ACTG2: variants seen among roughly 807,000 people sequenced by gnomAD.
The protein encoded by ACTG2 is actin, gamma-enteric smooth muscle.
A neutral mutation model predicts 37.6 loss-of-function variants in ACTG2; 16 were observed. That is an observed-to-expected ratio of 0.43 (90% confidence interval 0.29 to 0.65). ACTG2 has a LOEUF of 0.65. ACTG2 is among the 30% of genes least tolerant of loss of function. The probability of loss-of-function intolerance (pLI) is 0.18; values close to 1 mark genes in which losing one functional copy is unlikely to be tolerated. For missense variants in ACTG2, 238 were observed against 490.9 expected (o/e 0.48, Z 4.87); for synonymous variants, 181 against 179.9 (o/e 1.01, Z -0.05).
At chr2:73,898,219 A>G (rs1679791353) in intron 1 of ACTG2, among the ~76,000 whole-genome samples, 1 of 148,438 alleles carries the variant, frequency 6.7e-6, no homozygotes, top group South Asian at 2.2e-4. Flanking sequence ...GGCACATCTC[A>G]GGCTTGGGAA....
At chr2:73,904,737 C>T (rs1419037887) in intron 3 of ACTG2, among the ~76,000 whole-genome samples, 1 of 100,928 alleles carries the variant, frequency 9.9e-6, no homozygotes, top group African/African-American at 3.5e-5. Context: ...ATCTATAAAT[C>T]ATTGTGTGTG....
chr2:73,896,061 G>A (rs555065457), intron 1 of ACTG2, among the ~76,000 whole-genome samples: 1 of 152,316 alleles, frequency 6.6e-6, no homozygotes, highest in Admixed American at 6.5e-5. Context: ...AGGGCCGGGT[G>A]CAGTGCTTGC....
chr2:73,895,244 A>G (rs1315064021), intron 1 of ACTG2, among the ~76,000 whole-genome samples: 1 of 152,124 alleles, frequency 6.6e-6, no homozygotes, highest in East Asian at 1.9e-4. Flanking sequence ...CTAGAGCTCA[A>G]GAGAGGGGTC....
At chr2:73,907,273 CACTT>C (rs376095642) in intron 3 of ACTG2, among the ~76,000 whole-genome samples, 4 of 152,256 alleles carry the variant, frequency 2.6e-5, no homozygotes, top group African/African-American at 9.6e-5. Context: ...GCCCTCATCA[CACTT>C]ACCACCGTCT....
At chr2:73,904,791 A>G (rs1246165049) in intron 3 of ACTG2, among the ~76,000 whole-genome samples, 12 of 100,468 alleles carry the variant, frequency 1.2e-4, no homozygotes, top group African/African-American at 4.4e-4. Context: ...ATATATATAT[A>G]TATATATATA....
In ACTG2 at chr2:73,916,762, C is replaced by T; in HGVS notation, c.984C>T (p.Ile328=). The T allele has an allele frequency of 6.2e-7, 1 of 1,613,416 alleles. No individual in the cohort carries two copies. Among genetic ancestry groups the T allele is most frequent in the Non-Finnish European group, 8.5e-7 (1 of 1,179,662 alleles). ...CCCTGGCCCCCAGCACCATGAAGATCAAGGTGGGTCTTGCCTCAGTTGTCT... is the reference window on the plus strand; with the variant it reads ...CCCTGGCCCCCAGCACCATGAAGATTAAGGTGGGTCTTGCCTCAGTTGTCT... ...ITALAPSTMK[I]KIIAPPERKY... The change falls in exon 8 of 9, where the codon ATC becomes ATT. Residue 328 remains isoleucine (I), a synonymous_variant. Transcript: ENST00000345517.
chr2:73,919,489 TC>T lies in ACTG2; in HGVS notation c.1046del (p.Ser349PhefsTer47). 6.2e-7 allele frequency: 1 copy of T among 1,614,156 alleles called. No homozygotes were observed. The highest frequency in any genetic ancestry group is 8.5e-7 in the Non-Finnish European group (1 of 1,180,028). ...CTGGATCGGGGGCTCTATCCTGGCC[TC>T]TCTCTCCACCTTCCAGCAGATGTGG... ...SVWIGGSILASLSTFQQMWIS... is the reference protein window; with the variant it reads ...SVWIGGSILAXLSTFQQMWIS... On this transcript the variant is annotated frameshift_variant, in exon 9 of 9. Coordinates refer to ENST00000345517, the MANE Select transcript of ACTG2 (RefSeq NM_001615.4). LOFTEE classifies it high-confidence loss of function.
At position 73,919,451 on chromosome 2, in the gene ACTG2, G is replaced by A. The variant is rs1247270735; in HGVS notation, c.1007G>A (p.Arg336Gln). The A allele has an allele frequency of 3.1e-6, 5 of 1,613,812 alleles. No individual in the cohort carries two copies. The highest frequency in any genetic ancestry group is 4.2e-6 in the Non-Finnish European group (5 of 1,180,012). ...MKIKIIAPPE[R>Q]KYSVWIGGSI... Reference sequence around the variant, plus strand: ...TTGCAGATTATTGCTCCCCCAGAGCGGAAGTACTCAGTCTGGATCGGGGGC... The same window carrying A: ...TTGCAGATTATTGCTCCCCCAGAGCAGAAGTACTCAGTCTGGATCGGGGGC... Residue 336 changes from arginine to glutamine, a missense_variant, in exon 9 of 9, where the codon CGG (arginine) becomes CAG (glutamine). Transcript: ENST00000345517.
At chr2:73,895,207 G>A (rs779919827) in intron 1 of ACTG2, among the ~76,000 whole-genome samples, 1 of 152,030 alleles carries the variant, frequency 6.6e-6, no homozygotes, top group African/African-American at 2.4e-5. Flanking sequence ...GTTTTGGTGG[G>A]GGAGATGCAC....
chr2:73,899,184 G>C (rs1231541410), intron 1 of ACTG2, among the ~76,000 whole-genome samples: 1 of 152,068 alleles, frequency 6.6e-6, no homozygotes, highest in Non-Finnish European at 1.5e-5. Flanking sequence ...TTTAACCTTG[G>C]CTGTGTGTGG....
rs60101374 is a variant in ACTG2, at chr2:73,903,958, A to T, written c.255+1470A>T. Among the ~76,000 whole-genome samples the T allele has an allele frequency of 5.8e-5, 6 of 104,166 alleles. No homozygotes were observed. The South Asian group carries it at 2.0e-3, about 34-fold the overall frequency. The allele number at this position is 104,166 out of a possible 152,430, so 68.3% of individuals were successfully genotyped here. Reference sequence around the variant, plus strand: ...CCGTCTCAAAAAAAAAAAAAAAAAAAACAAAAAAAAAACCACATAATAGAG... The same window carrying T: ...CCGTCTCAAAAAAAAAAAAAAAAAATACAAAAAAAAAACCACATAATAGAG... On this transcript the variant is annotated intron_variant, in intron 3 of 8. Coordinates refer to ENST00000345517, the MANE Select transcript of ACTG2 (RefSeq NM_001615.4).
chr2:73,913,377 C>A, intron 5 of ACTG2, 108 bp from the exon 6 acceptor site: 1 of 1,050,834 alleles, frequency 9.5e-7, no homozygotes, highest in Non-Finnish European at 1.3e-6. Flanking sequence ...ATATTCTTAA[C>A]TGGTAAAGGA....
chr2:73,901,246 G>A, intron 1 of ACTG2, 30 bp from the exon 2 acceptor site: 2 of 1,467,650 alleles, frequency 1.4e-6, no homozygotes, highest in Admixed American at 2.3e-5. Flanking sequence ...ACAAGTGGCT[G>A]ACTAGTTCTC....
chr2:73,901,286 C>A lies in ACTG2; in HGVS notation c.-26C>A, dbSNP rs1679865794. ...CCCGCAAATCCCAAGGTGCTCCAGT[C>A]CCCAGCTCACTCAGCCACACACACC... is the stretch of plus-strand genomic sequence containing the variant. On this transcript the variant is annotated 5_prime_UTR_variant, in exon 2 of 9. Coordinates refer to ENST00000345517, the MANE Select transcript of ACTG2 (RefSeq NM_001615.4). The A allele has an allele frequency of 1.9e-6, 3 of 1,550,708 alleles. No homozygotes were observed. Among genetic ancestry groups the A allele is most frequent in the South Asian group, 1.2e-5 (1 of 83,948 alleles).
chr2:73,906,615 G>A (rs1181221066), intron 3 of ACTG2, among the ~76,000 whole-genome samples: 6 of 151,836 alleles, frequency 4.0e-5, no homozygotes, highest in Non-Finnish European at 7.4e-5. Context: ...GGTGTAGCTG[G>A]GAACAGAGGT....
chr2:73,907,385 C>A (rs908793282), intron 3 of ACTG2, among the ~76,000 whole-genome samples: 1 of 152,226 alleles, frequency 6.6e-6, no homozygotes, highest in Non-Finnish European at 1.5e-5. Flanking sequence ...GTCCCTGCTA[C>A]ACTTTGCCCA....
In ACTG2 at chr2:73,913,481, A is replaced by G. The variant is rs1230006569; in HGVS notation, c.452-4A>G. The G allele has an allele frequency of 1.9e-6, 3 of 1,599,102 alleles. No homozygotes were observed. In the African/African-American group the frequency reaches 4.0e-5, roughly 21 times the overall value. ...TTTATAAGCCTGATCCTCTCTGTCC[A>G]CAGGCATCGTCCTGGATTCAGGTGA... is the stretch of plus-strand genomic sequence containing the variant. On this transcript the variant is annotated splice_region_variant and splice_polypyrimidine_tract_variant and intron_variant, in intron 5 of 8. Transcript: ENST00000345517.
chr2:73,900,143 G>C (rs1299234412), intron 1 of ACTG2, among the ~76,000 whole-genome samples: 7 of 152,106 alleles, frequency 4.6e-5, no homozygotes, highest in Non-Finnish European at 7.4e-5. Context: ...CGCACATCCT[G>C]GATAAAACTT....
intron 5 of ACTG2, among the ~76,000 whole-genome samples, chr2:73,911,482 CA>C (rs1268938582): frequency 6.2e-5 from 9 of 145,028 alleles, no homozygotes; most frequent in African/African-American, 5.1e-5. Flanking sequence ...GGGTGACACT[CA>C]AAAAAAAAAT....
Sources: gnomAD v4.1 joint callset for allele counts (sites outside exome capture counted in the v4.1 genomes callset) on GRCh38, gnomAD v4.1.1 for gene constraint, MANE v1.5 for transcripts, NCBI Gene and HGNC (gene_info 2026-07-23, HGNC 2026-07-21) for gene names.